The following BCORL1 variants were observed in gnomAD, a reference collection of about 807,000 sequenced individuals.
The protein encoded by BCORL1 is BCL6 corepressor like 1, also known as BCL-6 corepressor-like protein 1.
BCORL1 carries 7 observed loss-of-function variants against 87.6 expected under a neutral mutation model. That is an observed-to-expected ratio of 0.08 (90% CI 0.05 to 0.15). The LOEUF (loss-of-function observed/expected upper bound fraction) is 0.15. Ranked by LOEUF, BCORL1 falls within the 10% of genes least tolerant of loss-of-function variation. The probability of loss-of-function intolerance (pLI) is 1.00; values close to 1 mark genes in which losing one functional copy is unlikely to be tolerated. For synonymous variants in BCORL1, 591 were observed against 634.4 expected (o/e 0.93, Z 1.03); for missense variants, 1,215 against 1,499.7 (o/e 0.81, Z 3.13).
At position 130,024,987 on chromosome X, in the gene BCORL1, C is replaced by A; in HGVS notation, c.3689-3C>A. ...GACCATCCTCTGTACATCCCATCCA[C>A]AGGAAGCATCTGTAGCTCCTTTGCT... On this transcript the variant is annotated splice_polypyrimidine_tract_variant and splice_region_variant and intron_variant, in intron 6 of 13. Transcript: ENST00000540052. 8.3e-7 allele frequency: 1 copy of A among 1,209,575 alleles called. No homozygotes were observed. Among genetic ancestry groups the A allele is most frequent in the Non-Finnish European group, 1.1e-6 (1 of 894,179 alleles).
intron 1 of BCORL1, among the ~76,000 whole-genome samples, chrX:130,004,552 G>A (rs940467513): frequency 5.4e-5 from 6 of 111,926 alleles, no homozygotes; most frequent in East Asian, 2.8e-4. Flanking sequence ...GCCGAAACAC[G>A]TAGTTCTGGA....
chrX:130,038,959 G>T (rs1388663309), intron 10 of BCORL1, among the ~76,000 whole-genome samples, 178 bp from the exon 11 acceptor site: 1 of 111,676 alleles, frequency 9.0e-6, no homozygotes, highest in African/African-American at 3.3e-5. Context: ...GAGTTGGGGA[G>T]ATGGTAGTGG....
chrX:130,033,539 C>A (rs73569817), intron 8 of BCORL1, among the ~76,000 whole-genome samples: 6,320 of 112,126 alleles, frequency 0.056, 449 homozygotes, highest in African/African-American at 0.19. Flanking sequence ...AGGTTCAAGC[C>A]CAGGTCTGCC....
chrX:130,043,785 T>TATATATATATA lies in BCORL1; in HGVS notation c.4840+4503_4840+4504insATATATATATA, dbSNP rs59484337. Among the ~76,000 whole-genome samples, 36 of 10,372 alleles carry TATATATATATA rather than the reference T, an allele frequency of 3.5e-3. 1 individual carries two copies. The highest frequency in any genetic ancestry group is 4.0e-3 in the Non-Finnish European group (29 of 7,298). 9.0% of individuals were successfully genotyped at this position (10,372 alleles called of 115,157 possible). A position where few individuals can be genotyped will look rare whatever the true frequency, so the allele number is the denominator to read the frequency against. Reference sequence around the variant, plus strand: ...ATATATATATATATATATATATATATTTTTTTTTTTTTTTTTTTTTGAGAC... The same window carrying TATATATATATA: ...ATATATATATATATATATATATATATATATATATATATTTTTTTTTTTTTTTTTTTTGAGAC... On this transcript the variant is annotated intron_variant, in intron 11 of 13. Transcript: ENST00000540052.
At chrX:130,038,114 T>C (rs1262830484) in intron 10 of BCORL1, among the ~76,000 whole-genome samples, 1 of 111,066 alleles carries the variant, frequency 9.0e-6, no homozygotes, top group East Asian at 2.9e-4. Context: ...CATCCCATCA[T>C]GTGTAGCTGT....
intron 8 of BCORL1, among the ~76,000 whole-genome samples, chrX:130,032,626 C>T (rs1009950623): frequency 5.4e-5 from 6 of 111,478 alleles, no homozygotes; most frequent in African/African-American, 2.0e-4. Context: ...GCCCTCTGGC[C>T]TCCCCCAGTG....
upstream of BCORL1, among the ~76,000 whole-genome samples, chrX:129,982,117 C>T (rs1603047930): frequency 9.1e-6 from 1 of 109,569 alleles, no homozygotes; most frequent in South Asian, 4.0e-4. Context: ...AGGTGGAGAA[C>T]GTTGGAAGAA....
Position 130,039,289 on chromosome X carries a change from A to C in BCORL1, c.4840+7A>C, listed in dbSNP as rs1386893895. 3.3e-6 allele frequency: 4 copies of C among 1,207,945 alleles called. No homozygotes were observed. The highest frequency in any genetic ancestry group is 4.5e-6 in the Non-Finnish European group (4 of 895,257). ...ATGAAGCGCTTTCTCAGTGGTAAGCATGGTCCAGACTTGACACTGTTGTCC... is the reference window on the plus strand; with the variant it reads ...ATGAAGCGCTTTCTCAGTGGTAAGCCTGGTCCAGACTTGACACTGTTGTCC... On this transcript the variant is annotated splice_region_variant and intron_variant, in intron 11 of 13. Coordinates refer to ENST00000540052, the MANE Select transcript of BCORL1 (RefSeq NM_001379451.1).
In BCORL1 at chrX:130,039,151, C is replaced by T; in HGVS notation, c.4709C>T (p.Ala1570Val). 1 of 1,211,420 alleles carries T rather than the reference C, an allele frequency of 8.3e-7. No homozygotes were observed. The highest frequency in any genetic ancestry group is 3.0e-5 in the East Asian group (1 of 33,847). ...CACCTCCACAGGCCAGTTCATGATG[C>T]GGTGGTCAATGACAACCTGGAGACC... Reference protein sequence around the residue: ...AQDGTRPVHDAVVNDNLETIW... With the variant: ...AQDGTRPVHDVVVNDNLETIW... The change falls in exon 11 of 14, where the codon GCG becomes GTG. Residue 1570 changes from alanine to valine, a missense_variant. By Grantham distance (64) the Ala-to-Val change is moderately conservative (BLOSUM62 0). Around this residue, in one of 5 missense-constraint regions of BCORL1, gnomAD observed 55 missense variants for 115.1 expected, o/e 0.48. Transcript: ENST00000540052.
intron 1 of BCORL1, among the ~76,000 whole-genome samples, chrX:129,991,551 A>G (rs1927156370): frequency 4.7e-5 from 5 of 106,523 alleles, no homozygotes. Flanking sequence ...TGTGTTGCCC[A>G]GGCTGTTCTT....
intron 1 of BCORL1, among the ~76,000 whole-genome samples, chrX:129,996,468 A>G (rs560632673): frequency 1.8e-5 from 2 of 111,458 alleles, no homozygotes; most frequent in South Asian, 3.8e-4. Context: ...GAGTCCAAGC[A>G]TGAATAAATG....
intron 7 of BCORL1, among the ~76,000 whole-genome samples, chrX:130,026,333 C>T (rs999935114): frequency 4.5e-5 from 5 of 112,350 alleles, no homozygotes; most frequent in Non-Finnish European, 3.8e-5. Flanking sequence ...AATGCAAAGA[C>T]GGCTTAACCT....
intron 1 of BCORL1, among the ~76,000 whole-genome samples, chrX:129,984,626 G>C (rs953396672): frequency 9.9e-5 from 11 of 111,070 alleles, no homozygotes; most frequent in Non-Finnish European, 3.8e-5. Context: ...GGGACGTCCG[G>C]GGCAAGGCTG....
Position 130,020,996 on chromosome X carries a change from G to A in BCORL1, c.3453G>A (p.Leu1151=). Residue 1151 remains leucine, a synonymous_variant, in exon 5 of 14, where the codon CTG becomes CTA. Transcript: ENST00000540052. The part of the protein sequence containing the change: ...RSSHRPKCRK[L]PSDPQESTKK... Reference sequence around the variant, plus strand: ...CTACCTCTCCACAGTGCCGGAAGCTGCCCAGTGACCCCCAGGAATCCACCA... The same window carrying A: ...CTACCTCTCCACAGTGCCGGAAGCTACCCAGTGACCCCCAGGAATCCACCA... 8.5e-7 allele frequency: 1 copy of A among 1,171,321 alleles called. No individual in the cohort carries two copies. Among genetic ancestry groups the A allele is most frequent in the Non-Finnish European group, 1.1e-6 (1 of 881,212 alleles).
At chrX:130,012,095 A>G in intron 2 of BCORL1, among the ~76,000 whole-genome samples, 1 of 112,042 alleles carries the variant, frequency 8.9e-6, no homozygotes, top group Non-Finnish European at 1.9e-5. Flanking sequence ...TATTTGTTTT[A>G]GAAGAGGATT....
intron 8 of BCORL1, 129 bp downstream of exon 8, chrX:130,028,990 G>A (rs1021097481): frequency 4.2e-5 from 23 of 547,102 alleles, no homozygotes; most frequent in Non-Finnish European, 5.4e-5. Context: ...ACTAGTTCTC[G>A]AAGGGTTGGG....
intron 12 of BCORL1, among the ~76,000 whole-genome samples, chrX:130,051,117 C>T (rs1465602068): frequency 8.9e-6 from 1 of 112,128 alleles, no homozygotes; most frequent in Non-Finnish European, 1.9e-5. Context: ...TCACCTATTC[C>T]AGTATTGCTC....
At chrX:130,004,836 G>A (rs1468181960) in intron 1 of BCORL1, among the ~76,000 whole-genome samples, 1 of 112,184 alleles carries the variant, frequency 8.9e-6, no homozygotes, top group Non-Finnish European at 1.9e-5. Context: ...TCATATATGG[G>A]TATGACTCTC....
chrX:130,015,760 C>T lies in BCORL1; in HGVS notation c.2988C>T (p.Val996=). 2.5e-6 allele frequency: 3 copies of T among 1,211,745 alleles called. No homozygotes were observed. The highest frequency in any genetic ancestry group is 2.2e-6 in the Non-Finnish European group (2 of 895,476). ...CCACCTACATGTCCCATGAGCTGGT[C>T]CTGGCCACCCCCCAGAACCTGCCTA... ...VLATYMSHEL[V]LATPQNLPKM... The change falls in exon 4 of 14, where the codon GTC becomes GTT. Residue 996 remains valine, a synonymous_variant. Coordinates refer to ENST00000540052, the MANE Select transcript of BCORL1 (RefSeq NM_001379451.1).
Sources: allele counts gnomAD v4.1 joint callset (sites outside exome capture counted in the v4.1 genomes callset), GRCh38; gene constraint gnomAD v4.1.1; regional missense constraint gnomAD v4.1.1; transcripts MANE v1.5; gene names NCBI Gene and HGNC (gene_info 2026-07-23, HGNC 2026-07-21).